SKAP1: variants seen among roughly 807,000 people sequenced by gnomAD.
SKAP1 encodes src kinase-associated phosphoprotein 1.
In SKAP1, 44 loss-of-function variants were observed where a neutral mutation model predicts 58.5. The ratio of observed to expected loss-of-function variants is 0.75; its 90% CI spans 0.59 to 0.97. SKAP1 has a LOEUF of 0.97. Ranked by LOEUF, SKAP1 falls within the 50% of genes least tolerant of loss-of-function variation. The pLI is 0.00. For missense variants in SKAP1, 390 were observed against 435.2 expected (o/e 0.90, Z 0.92); for synonymous variants, 127 against 149.7 (o/e 0.85, Z 1.11).
At position 48,405,392 on chromosome 17, in the gene SKAP1, CCTTTCTTTCTTTCTTTCTTTCTTTCTTT is replaced by C. The variant is rs376278484; in HGVS notation, c.47-8635_47-8608del. Among the ~76,000 whole-genome samples, 169 of 107,370 alleles carry C rather than the reference CCTTTCTTTCTTTCTTTCTTTCTTTCTTT, an allele frequency of 1.6e-3. 2 individuals carry two copies. The highest frequency in any genetic ancestry group is 9.7e-4 in the Non-Finnish European group (50 of 51,424). The allele number at this position is 107,370 out of a possible 152,430, so 70.4% of individuals were successfully genotyped here. A position where few individuals can be genotyped will look rare whatever the true frequency, so the allele number is the denominator to read the frequency against. The stretch of plus-strand genomic sequence containing the variant: ...GGGTGCATTTTCTTTTTTTCTCTTT[CCTTTCTTTCTTTCTTTCTTTCTTTCTTT>C]CTTTCTTTCTTTCTTTCTTTCTTTC... On this transcript the variant is annotated intron_variant, in intron 1 of 12. Transcript: ENST00000336915.
At chr17:48,180,304 G>T (rs1410322776) in intron 8 of SKAP1, 56 bp from the exon 9 acceptor site, 2 of 1,338,458 alleles carry the variant, frequency 1.5e-6, no homozygotes, top group Non-Finnish European at 1.0e-6. Context: ...AAATAAGACA[G>T]GAAAGGAAAG....
At chr17:48,192,653 G>A (rs931064688) in intron 4 of SKAP1, among the ~76,000 whole-genome samples, 4 of 152,182 alleles carry the variant, frequency 2.6e-5, no homozygotes, top group African/African-American at 9.7e-5. Context: ...ATCAGAGAGA[G>A]AGCTTGAATT....
At chr17:48,228,034 CAG>C (rs2065087876) in intron 4 of SKAP1, among the ~76,000 whole-genome samples, 1 of 152,074 alleles carries the variant, frequency 6.6e-6, no homozygotes, top group Non-Finnish European at 1.5e-5. Context: ...TAATAAGTAG[CAG>C]AGATATTATG....
intron 4 of SKAP1, chr17:48,307,646 T>G (rs979175777): frequency 6.6e-6 from 1 of 152,262 alleles, no homozygotes; most frequent in African/African-American, 2.4e-5. Flanking sequence ...TTTCTGTGCT[T>G]TAGAAAACAA....
intron 10 of SKAP1, among the ~76,000 whole-genome samples, chr17:48,165,469 C>T (rs1042476580): frequency 2.7e-5 from 4 of 149,208 alleles, no homozygotes; most frequent in African/African-American, 5.0e-5. Flanking sequence ...GGCATGATCT[C>T]GGCTCACCAC....
Position 48,265,459 on chromosome 17 carries a change from C to T in SKAP1, c.281-75959G>A, listed in dbSNP as rs1216782004. Among the ~76,000 whole-genome samples, 2 of 150,846 alleles carry T rather than the reference C, an allele frequency of 1.3e-5. 1 individual carries two copies. Among genetic ancestry groups the T allele is most frequent in the South Asian group, 4.2e-4 (2 of 4,732 alleles). On this transcript the variant is annotated intron_variant, in intron 4 of 12. Transcript: ENST00000336915. Reference sequence around the variant, plus strand: ...GGCGGAGGTTGCAGTGAGCTGAGACCGCACCACTGCACTCCAGCCTGGGCC... The same window carrying T: ...GGCGGAGGTTGCAGTGAGCTGAGACTGCACCACTGCACTCCAGCCTGGGCC...
At chr17:48,203,907 C>T (rs1245848550) in intron 4 of SKAP1, 1 of 152,108 alleles carries the variant, frequency 6.6e-6, no homozygotes. Flanking sequence ...AATAGTAATA[C>T]TTTACATTTG....
Position 48,363,694 on chromosome 17 carries a change from CACT to C in SKAP1, c.178+92_178+94del, listed in dbSNP as rs1422400556. On this transcript the variant is annotated intron_variant, in intron 3 of 12. Coordinates refer to ENST00000336915, the MANE Select transcript of SKAP1 (RefSeq NM_003726.4). Reference sequence around the variant, plus strand: ...AACTTTCCTTGGAAATGGTTAATGCCACTCTGTGGAGAAGCTTGTAGAGAAGAG... The same window carrying C: ...AACTTTCCTTGGAAATGGTTAATGCCCTGTGGAGAAGCTTGTAGAGAAGAG... 13 of 1,077,606 alleles carry C rather than the reference CACT, an allele frequency of 1.2e-5. No individual in the cohort carries two copies. The East Asian group carries it at 1.2e-4, about 10-fold the overall frequency. 66.8% of individuals were successfully genotyped at this position (1,077,606 alleles called of 1,614,324 possible).
In SKAP1 at chr17:48,184,734, G is replaced by A. The variant is rs1017266798; in HGVS notation, c.556C>T (p.Arg186Cys). ...SCFELTSQDRRSYEFTATSPA... is the reference protein window; with the variant it reads ...SCFELTSQDRCSYEFTATSPA... ...TTGATGCGTCCTACCTCATAGCTGCGCCTATCCTGGGAGGTCAGTTCAAAG... is the reference window on the plus strand; with the variant it reads ...TTGATGCGTCCTACCTCATAGCTGCACCTATCCTGGGAGGTCAGTTCAAAG... Residue 186 changes from arginine (R) to cysteine (C), a missense_variant, in exon 7 of 13, where the codon CGC (arginine) becomes TGC (cysteine). Physicochemically the swap from Arg to Cys is radical, Grantham distance 180. Coordinates refer to ENST00000336915, the MANE Select transcript of SKAP1 (RefSeq NM_003726.4). The A allele has an allele frequency of 2.1e-5, 34 of 1,613,884 alleles. No individual in the cohort carries two copies. Among genetic ancestry groups the A allele is most frequent in the Non-Finnish European group, 2.4e-5 (28 of 1,179,954 alleles).
At chr17:48,283,553 G>A (rs1318466932) in intron 4 of SKAP1, among the ~76,000 whole-genome samples, 2 of 152,116 alleles carry the variant, frequency 1.3e-5, no homozygotes, top group Non-Finnish European at 2.9e-5. Context: ...ATACAGCAGA[G>A]ATCATATGTC....
chr17:48,403,433 A>G (rs1346425642), intron 1 of SKAP1, among the ~76,000 whole-genome samples: 1 of 150,758 alleles, frequency 6.6e-6, no homozygotes, highest in Non-Finnish European at 1.5e-5. Context: ...ATATATATAC[A>G]TATATATATA....
intron 4 of SKAP1, among the ~76,000 whole-genome samples, chr17:48,223,817 C>G (rs2065032011): frequency 6.6e-6 from 1 of 152,174 alleles, no homozygotes; most frequent in South Asian, 2.1e-4. Flanking sequence ...TACCAAGGAA[C>G]AGCAGATGTG....
At chr17:48,351,206 C>T (rs7224686) in intron 3 of SKAP1, among the ~76,000 whole-genome samples, 32,199 of 152,096 alleles carry the variant, frequency 0.21, 3,420 homozygotes, top group Admixed American at 0.22. Context: ...ATTTGCTGCA[C>T]CAAAACTAAA....
intron 4 of SKAP1, among the ~76,000 whole-genome samples, chr17:48,260,426 T>A (rs1364644199): frequency 6.6e-6 from 1 of 152,168 alleles, no homozygotes; most frequent in Non-Finnish European, 1.5e-5. Context: ...TGCTCAACTA[T>A]AAACAAACAC....
intron 4 of SKAP1, among the ~76,000 whole-genome samples, chr17:48,276,739 T>C (rs924924055): frequency 6.6e-6 from 1 of 152,200 alleles, no homozygotes; most frequent in African/African-American, 2.4e-5. Context: ...GAGTGTAATG[T>C]TCCCGTTGCT....
intron 1 of SKAP1, among the ~76,000 whole-genome samples, chr17:48,412,690 G>A (rs1337600243): frequency 1.3e-5 from 2 of 152,042 alleles, no homozygotes; most frequent in African/African-American, 2.4e-5. Flanking sequence ...CAGCTTTCTT[G>A]AGTAATAACT....
chr17:48,343,432 G>C (rs901620993), intron 4 of SKAP1, among the ~76,000 whole-genome samples: 1 of 152,134 alleles, frequency 6.6e-6, no homozygotes, highest in African/African-American at 2.4e-5. Flanking sequence ...CACTGTGCTA[G>C]ATTCAATGCT....
At chr17:48,178,152 C>T (rs963847830) in intron 9 of SKAP1, among the ~76,000 whole-genome samples, 22 of 152,098 alleles carry the variant, frequency 1.4e-4, no homozygotes, top group African/African-American at 5.3e-4. Context: ...CTTCATTGCC[C>T]ACTCCTGGGG....
intron 11 of SKAP1, among the ~76,000 whole-genome samples, chr17:48,137,883 C>T (rs891778830): frequency 9.9e-5 from 15 of 152,254 alleles, no homozygotes; most frequent in Admixed American, 3.9e-4. Context: ...ACCTTAGGTT[C>T]TCCTAGCTTT....
Sources: gnomAD v4.1 joint callset for allele counts (sites outside exome capture counted in the v4.1 genomes callset) on GRCh38, gnomAD v4.1.1 for gene constraint, MANE v1.5 for transcripts, NCBI Gene and HGNC (gene_info 2026-07-23, HGNC 2026-07-21) for gene names.